Variants in ITGA9 observed in about 807,000 individuals in gnomAD.
ITGA9 encodes the protein integrin alpha-9.
A neutral mutation model predicts 127.8 loss-of-function variants in ITGA9; 56 were observed. That is an observed-to-expected ratio of 0.44 (90% CI 0.35 to 0.55). ITGA9 has a LOEUF of 0.55. ITGA9 is among the 20% of genes least tolerant of loss of function. The probability of loss-of-function intolerance (pLI) is 0.00; values close to 1 mark genes in which losing one functional copy is unlikely to be tolerated. For missense variants in ITGA9, 1,196 were observed against 1,347.1 expected (o/e 0.89, Z 1.76); for synonymous variants, 508 against 514.5 (o/e 0.99, Z 0.17).
At chr3:37,461,994 T>C (rs1209273625) in intron 1 of ITGA9, among the ~76,000 whole-genome samples, 1 of 136,768 alleles carries the variant, frequency 7.3e-6, no homozygotes, top group East Asian at 2.3e-4. Context: ...GCCATATTTC[T>C]CTTGAAAAAA....
intron 15 of ITGA9, among the ~76,000 whole-genome samples, chr3:37,619,433 C>G (rs1292074613): frequency 6.6e-6 from 1 of 152,066 alleles, no homozygotes; most frequent in African/African-American, 2.4e-5. Context: ...CAGAAAGGGA[C>G]AGAGAAAAAA....
chr3:37,674,725 G>T (rs919483420), intron 17 of ITGA9, among the ~76,000 whole-genome samples: 4 of 152,202 alleles, frequency 2.6e-5, no homozygotes, highest in African/African-American at 9.7e-5. Context: ...ACCCACTGAT[G>T]GTCAGTCTGG....
intron 15 of ITGA9, among the ~76,000 whole-genome samples, chr3:37,599,310 C>T (rs1298691675): frequency 6.6e-6 from 1 of 152,128 alleles, no homozygotes; most frequent in Non-Finnish European, 1.5e-5. Context: ...TGTTAGGGTT[C>T]AGCTTGCAGG....
At chr3:37,616,395 A>G (rs1429627762) in intron 15 of ITGA9, among the ~76,000 whole-genome samples, 2 of 152,192 alleles carry the variant, frequency 1.3e-5, no homozygotes, top group African/African-American at 2.4e-5. Flanking sequence ...CTATGTGGTC[A>G]GTTTTGGAAC....
In ITGA9 at chr3:37,798,617, T is replaced by C. The variant is rs1039363549; in HGVS notation, c.2890-5206T>C. On this transcript the variant is annotated intron_variant, in intron 26 of 27. Transcript: ENST00000264741. The stretch of plus-strand genomic sequence containing the variant: ...GTCCCAAATTCTGTAAAGTTACCTA[T>C]TAACTTACGGAAGGCTGATAAGTTA... Among the ~76,000 whole-genome samples, 169 of 152,228 alleles carry C rather than the reference T, an allele frequency of 1.1e-3. 2 individuals are homozygous for C. The highest frequency in any genetic ancestry group is 2.5e-4 in the Non-Finnish European group (17 of 68,036).
intron 8 of ITGA9, among the ~76,000 whole-genome samples, chr3:37,512,038 T>G (rs1453633284): frequency 2.2e-5 from 1 of 44,996 alleles, no homozygotes; most frequent in Non-Finnish European, 4.8e-5. Flanking sequence ...CTTTCTTTCT[T>G]TCTTTCTTTC....
intron 8 of ITGA9, among the ~76,000 whole-genome samples, chr3:37,508,963 C>T (rs1012362242): frequency 6.6e-6 from 1 of 152,198 alleles, no homozygotes; most frequent in Non-Finnish European, 1.5e-5. Flanking sequence ...CGAATCTCCA[C>T]CTCCAGAGAG....
Position 37,657,970 on chromosome 3 carries a change from G to A in ITGA9, c.1916+4180G>A, listed in dbSNP as rs116565194. Among the ~76,000 whole-genome samples the A allele has an allele frequency of 2.2e-3, 339 of 152,110 alleles. 3 individuals are homozygous for A. The highest frequency in any genetic ancestry group is 7.8e-3 in the African/African-American group (323 of 41,512). On this transcript the variant is annotated intron_variant, in intron 17 of 27. Coordinates refer to ENST00000264741, the MANE Select transcript of ITGA9 (RefSeq NM_002207.3). ...TATTTACCCAGTAGTCATTCAGGAG[G>A]CCATTGTTCAGTTTCCATGTAGTTG...
chr3:37,731,808 A>C (rs1169832598), intron 18 of ITGA9, among the ~76,000 whole-genome samples: 1 of 152,186 alleles, frequency 6.6e-6, no homozygotes, highest in African/African-American at 2.4e-5. Context: ...GATATGTATA[A>C]TTGGATAATT....
At chr3:37,818,191 T>TTAAAAAAAAAAAAAA (rs1553674108) in intron 27 of ITGA9, 39 of 31,968 alleles carry the variant, frequency 1.2e-3, no homozygotes, top group East Asian at 3.6e-3. Flanking sequence ...TAAGACTCTC[T>TTAAAAAAAAAAAAAA]AAAAAAAAAA....
chr3:37,537,250 T>G (rs1699217458), intron 14 of ITGA9, among the ~76,000 whole-genome samples: 1 of 152,178 alleles, frequency 6.6e-6, no homozygotes, highest in Non-Finnish European at 1.5e-5. Context: ...TACAATTAAC[T>G]GCTGTTGGGG....
At chr3:37,622,137 C>CTTT (rs5848098) in intron 15 of ITGA9, among the ~76,000 whole-genome samples, 25 of 139,816 alleles carry the variant, frequency 1.8e-4, no homozygotes, top group African/African-American at 5.3e-4. Context: ...TGTTTGTTTA[C>CTTT]TTTTTTTTTT....
intron 23 of ITGA9, among the ~76,000 whole-genome samples, chr3:37,763,023 G>T (rs1213589697): frequency 6.6e-6 from 1 of 152,252 alleles, no homozygotes; most frequent in East Asian, 1.9e-4. Context: ...AGAGGCTGTT[G>T]TGGGGATATT....
chr3:37,711,295 A>G (rs183335764), intron 18 of ITGA9, among the ~76,000 whole-genome samples: 14 of 152,342 alleles, frequency 9.2e-5, no homozygotes, highest in Admixed American at 3.9e-4. Flanking sequence ...AGGTAGCTCA[A>G]GTGTTCCACC....
intron 15 of ITGA9, among the ~76,000 whole-genome samples, chr3:37,625,263 C>T (rs537643605): frequency 2.6e-5 from 4 of 152,286 alleles, no homozygotes; most frequent in African/African-American, 4.8e-5. Flanking sequence ...TGTTGCACTG[C>T]GTTGTCATCT....
chr3:37,813,979 C>A (rs887698355), intron 27 of ITGA9, among the ~76,000 whole-genome samples: 4 of 152,078 alleles, frequency 2.6e-5, no homozygotes, highest in African/African-American at 7.2e-5. Context: ...TTATTAAATT[C>A]TGTTTTATTT....
intron 18 of ITGA9, among the ~76,000 whole-genome samples, chr3:37,713,152 G>A (rs1181644800): frequency 2.6e-5 from 4 of 152,194 alleles, no homozygotes; most frequent in Non-Finnish European, 5.9e-5. Flanking sequence ...ACTGAAGACA[G>A]TGGCGTGGGA....
chr3:37,689,220 G>C (rs1244674220), intron 18 of ITGA9, among the ~76,000 whole-genome samples: 3 of 152,200 alleles, frequency 2.0e-5, no homozygotes, highest in Non-Finnish European at 4.4e-5. Flanking sequence ...CCCCTGCAAT[G>C]GATTTTTCTG....
chr3:37,735,319 T>C (rs1422723471), intron 19 of ITGA9, among the ~76,000 whole-genome samples: 1 of 152,080 alleles, frequency 6.6e-6, no homozygotes, highest in Non-Finnish European at 1.5e-5. Flanking sequence ...CCGCCCTGTC[T>C]CCATGCCTGC....
Sources: gnomAD v4.1 joint callset for allele counts (sites outside exome capture counted in the v4.1 genomes callset) on GRCh38, gnomAD v4.1.1 for gene constraint, MANE v1.5 for transcripts, NCBI Gene and HGNC (gene_info 2026-07-23, HGNC 2026-07-21) for gene names.